The following ZCWPW2 variants were observed in gnomAD, a reference collection of about 807,000 sequenced individuals.
ZCWPW2 encodes the protein zinc finger CW-type PWWP domain protein 2.
A neutral mutation model predicts 46.6 loss-of-function variants in ZCWPW2; 45 were observed. That is an observed-to-expected ratio of 0.96 (90% CI 0.76 to 1.24). ZCWPW2 has a LOEUF of 1.24. Among genes scored for constraint, ZCWPW2 ranks in the 50% most tolerant of loss-of-function variants. ZCWPW2 has a pLI of 0.00. For missense variants in ZCWPW2, 429 were observed against 403.9 expected, an observed-to-expected ratio of 1.06 and a Z score of -0.53; for synonymous variants, 152 against 137.1, an observed-to-expected ratio of 1.11 and a Z score of -0.76.
chr3:28,353,779 C>G (rs1417706095), intron 1 of ZCWPW2, among the ~76,000 whole-genome samples: 2 of 151,940 alleles, frequency 1.3e-5, no homozygotes, highest in Non-Finnish European at 2.9e-5. Flanking sequence ...AATTAATGGT[C>G]CTAGAAAGCC....
chr3:28,447,820 C>G lies in ZCWPW2; in HGVS notation c.492+12551C>G, dbSNP rs1370947267. On this transcript the variant is annotated intron_variant, in intron 4 of 9. Coordinates refer to ENST00000383768, the MANE Select transcript of ZCWPW2 (RefSeq NM_001040432.4). Reference sequence around the variant, plus strand: ...GAACCCCTGGCAATAGAATTGTTTACCTTTATACAAAGAAGGTTGGGAAAG... The same window carrying G: ...GAACCCCTGGCAATAGAATTGTTTAGCTTTATACAAAGAAGGTTGGGAAAG... The G allele has an allele frequency of 3.0e-6, 3 of 999,088 alleles. No homozygotes were observed. The East Asian group carries it at 7.5e-5, about 25-fold the overall frequency. The allele number at this position is 999,088 out of a possible 1,614,324, so 61.9% of individuals were successfully genotyped here. A position where few individuals can be genotyped will look rare whatever the true frequency, so the allele number is the denominator to read the frequency against.
chr3:28,505,764 A>G (rs1317708884), intron 6 of ZCWPW2, among the ~76,000 whole-genome samples: 2 of 152,112 alleles, frequency 1.3e-5, no homozygotes, highest in Non-Finnish European at 2.9e-5. Context: ...CTCTTTAGTG[A>G]TTATTGACTG....
At position 28,516,817 on chromosome 3, in the gene ZCWPW2, G is replaced by A. The variant is rs140264291; in HGVS notation, c.784+1196G>A. On this transcript the variant is annotated intron_variant, in intron 8 of 9. Transcript: ENST00000383768. ...AGCCCAGGAGTTAAAGACCAGCCTG[G>A]GCAACACAGTGAGACCTCATCTCTA... Among the ~76,000 whole-genome samples, 882 of 150,826 alleles carry A rather than the reference G, an allele frequency of 5.8e-3. 21 individuals are homozygous for A. The East Asian group carries it at 0.07, about 12-fold the overall frequency.
chr3:28,467,354 T>C (rs1439535834), intron 4 of ZCWPW2, among the ~76,000 whole-genome samples: 2 of 150,820 alleles, frequency 1.3e-5, no homozygotes, highest in Non-Finnish European at 2.9e-5. Flanking sequence ...TATAAAAATA[T>C]TATTTTACAG....
chr3:28,409,559 A>G lies in ZCWPW2; in HGVS notation c.-13-3497A>G, dbSNP rs192467088. Among the ~76,000 whole-genome samples, 846 of 152,312 alleles carry G rather than the reference A, an allele frequency of 5.6e-3. 11 individuals are homozygous for G. Among genetic ancestry groups the G allele is most frequent in the African/African-American group, 0.019 (796 of 41,582 alleles). ...TAATTATGACAAATTTTGAGGTATA[A>G]ATGCAAAATAGAACTATGATGCTGG... On this transcript the variant is annotated intron_variant, in intron 2 of 9. Transcript: ENST00000383768.
Position 28,492,112 on chromosome 3 carries a change from T to C in ZCWPW2, c.611-15T>C, listed in dbSNP as rs1699832276. ...AGGCACTTTTTTGAAGCAGCCATGT[T>C]TCATTGTCTTACAGATAAATCCGAA... On this transcript the variant is annotated splice_polypyrimidine_tract_variant and intron_variant, in intron 5 of 9. Transcript: ENST00000383768. 3 of 1,608,960 alleles carry C rather than the reference T, an allele frequency of 1.9e-6. No homozygotes were observed. Among genetic ancestry groups the C allele is most frequent in the Non-Finnish European group, 2.5e-6 (3 of 1,178,020 alleles).
chr3:28,490,322 T>C (rs148119203), intron 5 of ZCWPW2, among the ~76,000 whole-genome samples: 212 of 152,248 alleles, frequency 1.4e-3, no homozygotes, highest in African/African-American at 4.8e-3. Context: ...TTTTGGGATC[T>C]ATACCCAAAG....
chr3:28,378,942 CT>C (rs1272089008), intron 1 of ZCWPW2, among the ~76,000 whole-genome samples: 2 of 152,122 alleles, frequency 1.3e-5, no homozygotes, highest in African/African-American at 4.8e-5. Flanking sequence ...AATAGGGATA[CT>C]GACTCCTACT....
intron 8 of ZCWPW2, among the ~76,000 whole-genome samples, chr3:28,516,255 CAATA>C (rs56931163): frequency 0.28 from 38,494 of 139,934 alleles, 5,628 homozygotes; most frequent in East Asian, 0.43. Context: ...GATTCCCTCT[CAATA>C]AATAAATAAA....
intron 8 of ZCWPW2, among the ~76,000 whole-genome samples, chr3:28,519,040 C>T (rs1700652924): frequency 6.6e-6 from 1 of 152,210 alleles, no homozygotes; most frequent in Non-Finnish European, 1.5e-5. Context: ...ATTATGCCCA[C>T]ACAATTTTGA....
intron 1 of ZCWPW2, among the ~76,000 whole-genome samples, chr3:28,362,454 C>T (rs919413092): frequency 4.6e-5 from 7 of 152,004 alleles, no homozygotes; most frequent in Admixed American, 6.6e-5. Flanking sequence ...GACATACATG[C>T]GGCCAACAAG....
chr3:28,492,700 TTAACTC>T (rs1191462297), intron 6 of ZCWPW2, among the ~76,000 whole-genome samples: 2 of 152,160 alleles, frequency 1.3e-5, no homozygotes, highest in Non-Finnish European at 1.5e-5. Flanking sequence ...AGAGAGTTGT[TTAACTC>T]TACTTACTGG....
intron 1 of ZCWPW2, among the ~76,000 whole-genome samples, chr3:28,373,052 T>G (rs12494013): frequency 0.21 from 31,950 of 152,156 alleles, 3,742 homozygotes; most frequent in Admixed American, 0.28. Flanking sequence ...TCTTTATCTA[T>G]TCACCCATTG....
intron 6 of ZCWPW2, among the ~76,000 whole-genome samples, chr3:28,512,979 T>C (rs1002315818): frequency 6.6e-6 from 1 of 152,182 alleles, no homozygotes; most frequent in African/African-American, 2.4e-5. Flanking sequence ...TTTTATAAAA[T>C]GAGCATTCCC....
chr3:28,446,913 T>C (rs544374273), intron 4 of ZCWPW2, among the ~76,000 whole-genome samples: 6 of 152,146 alleles, frequency 3.9e-5, no homozygotes, highest in South Asian at 2.1e-4. Context: ...TTGGATAACC[T>C]AGACAAAATG....
At chr3:28,427,060 G>T (rs1278198555) in intron 3 of ZCWPW2, among the ~76,000 whole-genome samples, 1 of 152,054 alleles carries the variant, frequency 6.6e-6, no homozygotes, top group Non-Finnish European at 1.5e-5. Flanking sequence ...ATCTGATTTT[G>T]TTGCATTTGT....
chr3:28,497,228 G>A (rs973305089), intron 6 of ZCWPW2, among the ~76,000 whole-genome samples: 1 of 150,594 alleles, frequency 6.6e-6, no homozygotes, highest in East Asian at 2.0e-4. Flanking sequence ...TTGTGAACCA[G>A]AGATAATATT....
intron 3 of ZCWPW2, among the ~76,000 whole-genome samples, chr3:28,423,889 A>G (rs577647482): frequency 1.4e-4 from 22 of 152,138 alleles, no homozygotes; most frequent in Middle Eastern, 3.4e-3. Context: ...TATATGGATC[A>G]TATAATTTTT....
At chr3:28,492,094 T>A in intron 5 of ZCWPW2, 33 bp from the exon 6 acceptor site, 1 of 1,604,980 alleles carries the variant, frequency 6.2e-7, no homozygotes, top group Non-Finnish European at 8.5e-7. Context: ...CATAGGCACT[T>A]TTTTGAAGCA....
Sources: gnomAD v4.1 joint callset for allele counts (sites outside exome capture counted in the v4.1 genomes callset) on GRCh38, gnomAD v4.1.1 for gene constraint, MANE v1.5 for transcripts, NCBI Gene and HGNC (gene_info 2026-07-23, HGNC 2026-07-21) for gene names.